The following PMF1 variants were observed in gnomAD, a reference collection of about 807,000 sequenced individuals.
PMF1 encodes polyamine-modulated factor 1.
Under a neutral mutation model 26.7 loss-of-function variants are expected in PMF1, and 21 were observed. The observed-to-expected ratio is 0.79, with a 90% CI of 0.56 to 1.13. The LOEUF (loss-of-function observed/expected upper bound fraction) is 1.13, where lower values mean the gene tolerates loss of function less well. Among genes scored for constraint, PMF1 ranks in the 50% most tolerant of loss-of-function variants. The pLI is 0.00. For synonymous variants in PMF1, 105 were observed against 101.0 expected (o/e 1.04, Z -0.24); for missense variants, 266 against 254.9 (o/e 1.04, Z -0.30).
intron 1 of PMF1, among the ~76,000 whole-genome samples, chr1:156,216,233 A>G (rs1657690787): frequency 6.6e-6 from 1 of 151,968 alleles, no homozygotes; most frequent in African/African-American, 2.4e-5. Context: ...TCTACTACAA[A>G]TATAAAAATT....
At chr1:156,237,473 G>A (rs1327788715) in intron 4 of PMF1, among the ~76,000 whole-genome samples, 5 of 134,252 alleles carry the variant, frequency 3.7e-5, no homozygotes, top group African/African-American at 8.3e-5. Flanking sequence ...TTTAGACAGA[G>A]TCTCACTCTG....
intron 4 of PMF1, among the ~76,000 whole-genome samples, chr1:156,238,189 C>A (rs1305275106): frequency 1.3e-5 from 2 of 152,162 alleles, no homozygotes; most frequent in Non-Finnish European, 2.9e-5. Context: ...GAGCCTTGTA[C>A]AATTTGAAGT....
intron 1 of PMF1, among the ~76,000 whole-genome samples, chr1:156,214,800 T>C (rs1657597103): frequency 6.6e-6 from 1 of 151,676 alleles, no homozygotes. Context: ...GATAGGATGC[T>C]TGGGGCGCCC....
At chr1:156,225,518 CTGTT>C (rs762134011) in intron 1 of PMF1, 3 of 1,235,692 alleles carry the variant, frequency 2.4e-6, no homozygotes, top group Non-Finnish European at 3.5e-6. Context: ...TCCCCAGCTT[CTGTT>C]TGTTTTGTTC....
chr1:156,227,982 T>A (rs1658467412), intron 1 of PMF1, among the ~76,000 whole-genome samples: 1 of 146,460 alleles, frequency 6.8e-6, no homozygotes, highest in Non-Finnish European at 1.5e-5. Context: ...TTGCCCACAC[T>A]GGGGTGCAAT....
At chr1:156,224,431 A>G (rs1161544202) in intron 1 of PMF1, among the ~76,000 whole-genome samples, 2 of 152,218 alleles carry the variant, frequency 1.3e-5, no homozygotes, top group Non-Finnish European at 2.9e-5. Flanking sequence ...TTTTAATACA[A>G]CGATTCATCT....
chr1:156,215,475 C>T lies in PMF1; in HGVS notation c.161+2299C>T, dbSNP rs902571362. Among the ~76,000 whole-genome samples, 6 of 152,266 alleles carry T rather than the reference C, an allele frequency of 3.9e-5. No homozygotes were observed. In the East Asian group the frequency reaches 1.2e-3, roughly 29 times the overall value. Reference sequence around the variant, plus strand: ...CCTCCCCTGTTGTATTTATTTTTCCCTACTCATTCTTGCCCTTGTCTCCCC... The same window carrying T: ...CCTCCCCTGTTGTATTTATTTTTCCTTACTCATTCTTGCCCTTGTCTCCCC... On this transcript the variant is annotated intron_variant, in intron 1 of 4. Coordinates refer to ENST00000368277, the MANE Select transcript of PMF1 (RefSeq NM_007221.4).
chr1:156,213,674 C>T (rs1204360748), intron 1 of PMF1, among the ~76,000 whole-genome samples: 1 of 151,926 alleles, frequency 6.6e-6, no homozygotes, highest in African/African-American at 2.4e-5. Flanking sequence ...GTGAGCAAGA[C>T]GTAAGCCCCC....
At chr1:156,232,552 C>T in intron 2 of PMF1, 127 bp downstream of exon 2, 1 of 793,868 alleles carries the variant, frequency 1.3e-6, no homozygotes, top group Non-Finnish European at 2.0e-6. Flanking sequence ...GTCCTGGGTG[C>T]CCAGCAGGCT....
At chr1:156,236,163 A>G (rs1572506026) in intron 3 of PMF1, 125 bp from the exon 4 acceptor site, 4 of 1,304,648 alleles carry the variant, frequency 3.1e-6, no homozygotes, top group African/African-American at 2.9e-5. Flanking sequence ...CACAGGAGAG[A>G]CCTGGGAAGC....
chr1:156,214,882 TTA>T (rs1252023714), intron 1 of PMF1, among the ~76,000 whole-genome samples: 28 of 145,230 alleles, frequency 1.9e-4, no homozygotes, highest in African/African-American at 6.9e-4. Flanking sequence ...ATTATTATTA[TTA>T]TTTTTTTTTT....
intron 3 of PMF1, among the ~76,000 whole-genome samples, chr1:156,234,237 AG>A (rs1198116729): frequency 1.1e-4 from 16 of 152,080 alleles, no homozygotes; most frequent in African/African-American, 3.9e-4. Flanking sequence ...TCAGGGGAGG[AG>A]AGCCCCAGGT....
intron 1 of PMF1, among the ~76,000 whole-genome samples, chr1:156,217,458 G>T (rs1178637698): frequency 6.6e-6 from 1 of 152,054 alleles, no homozygotes; most frequent in Non-Finnish European, 1.5e-5. Flanking sequence ...AGGTGTGGTG[G>T]CTTACGCTTG....
At chr1:156,225,282 CTTTTT>C (rs58481427) in intron 1 of PMF1, among the ~76,000 whole-genome samples, 1 of 71,664 alleles carries the variant, frequency 1.4e-5, no homozygotes, top group African/African-American at 4.9e-5. Flanking sequence ...CAGTCCTCAG[CTTTTT>C]TTTTTTTTTT....
intron 1 of PMF1, among the ~76,000 whole-genome samples, chr1:156,225,282 CTTTTTTTT>C (rs58481427): frequency 0.069 from 4,963 of 71,846 alleles, 393 homozygotes; most frequent in African/African-American, 0.23. Flanking sequence ...CAGTCCTCAG[CTTTTTTTT>C]TTTTTTTTTT....
At chr1:156,232,484 G>C (rs1658770627) in intron 2 of PMF1, 59 bp downstream of exon 2, 3 of 1,544,668 alleles carry the variant, frequency 1.9e-6, no homozygotes, top group Non-Finnish European at 8.9e-7. Flanking sequence ...CAGATTGTCA[G>C]TCCCCTGAGG....
In PMF1 at chr1:156,239,924, GGC is replaced by G; in HGVS notation, c.*324_*325del. The G allele has an allele frequency of 3.0e-6, 1 of 332,638 alleles. No homozygotes were observed. The highest frequency in any genetic ancestry group is 5.5e-6 in the Non-Finnish European group (1 of 180,926). The allele number at this position is 332,638 out of a possible 1,614,324, so 20.6% of individuals were successfully genotyped here. On this transcript the variant is annotated 3_prime_UTR_variant, in exon 5 of 5. Transcript: ENST00000368277. ...TGCTGGTTCCCCAGCCCTTTTCCCTGGCCCTGGCTTGGAGAATCTGTTTTCAA... is the reference window on the plus strand; with the variant it reads ...TGCTGGTTCCCCAGCCCTTTTCCCTGCCTGGCTTGGAGAATCTGTTTTCAA...
At chr1:156,225,282 C>CTT (rs58481427) in intron 1 of PMF1, among the ~76,000 whole-genome samples, 742 of 71,700 alleles carry the variant, frequency 0.01, 38 homozygotes, top group East Asian at 0.053. Flanking sequence ...CAGTCCTCAG[C>CTT]TTTTTTTTTT....
Position 156,237,922 on chromosome 1 carries a change from T to C in PMF1, c.564+1439T>C, listed in dbSNP as rs114234593. On this transcript the variant is annotated intron_variant, in intron 4 of 4. Transcript: ENST00000368277. ...TAGCTGGGATTACAGGTACCTGCTG[T>C]GACGCCTGGTTAATTTTGTATTTTT... Among the ~76,000 whole-genome samples, 1,138 of 150,244 alleles carry C rather than the reference T, an allele frequency of 7.6e-3. 16 individuals carry two copies. Among genetic ancestry groups the C allele is most frequent in the African/African-American group, 0.027 (1,100 of 40,576 alleles).
Sources: allele counts gnomAD v4.1 joint callset (sites outside exome capture counted in the v4.1 genomes callset), GRCh38; gene constraint gnomAD v4.1.1; transcripts MANE v1.5; gene names NCBI Gene and HGNC (gene_info 2026-07-23, HGNC 2026-07-21).